The following FHIP1A variants were observed in gnomAD, a reference collection of about 807,000 sequenced individuals.
FHIP1A encodes FHF complex subunit HOOK-interacting protein 1A.
Under a neutral mutation model 88.6 loss-of-function variants are expected in FHIP1A, and 61 were observed. The observed-to-expected ratio is 0.69, with a 90% CI of 0.56 to 0.85. FHIP1A has a LOEUF of 0.85. Among genes scored for constraint, FHIP1A ranks in the 40% least tolerant of loss-of-function variants. The pLI is 0.00. For synonymous variants in FHIP1A, 478 were observed against 496.0 expected (o/e 0.96, Z 0.48); for missense variants, 1,154 against 1,273.5 (o/e 0.91, Z 1.43).
At chr4:151,425,236 G>C (rs1045440607) in intron 1 of FHIP1A, among the ~76,000 whole-genome samples, 2 of 152,052 alleles carry the variant, frequency 1.3e-5, no homozygotes, top group African/African-American at 4.8e-5. Context: ...AGGAAAAGGA[G>C]GACTATGTCA....
At chr4:151,510,372 G>T (rs1026263864) in intron 3 of FHIP1A, among the ~76,000 whole-genome samples, 2 of 152,296 alleles carry the variant, frequency 1.3e-5, no homozygotes, top group Middle Eastern at 3.4e-3. Context: ...GCCTCTCAAA[G>T]TGCTGGGATT....
chr4:151,617,212 T>A (rs1376939251), intron 7 of FHIP1A, among the ~76,000 whole-genome samples: 2 of 152,156 alleles, frequency 1.3e-5, no homozygotes, highest in East Asian at 1.9e-4. Context: ...AGATTCTGCA[T>A]GTGGGAGGAC....
At chr4:151,493,960 A>G (rs544107739) in intron 3 of FHIP1A, among the ~76,000 whole-genome samples, 1 of 152,264 alleles carries the variant, frequency 6.6e-6, no homozygotes, top group African/African-American at 2.4e-5. Flanking sequence ...CATAGTACTG[A>G]AAGTCTTAAC....
intron 3 of FHIP1A, among the ~76,000 whole-genome samples, chr4:151,550,303 C>G (rs943779723): frequency 6.6e-6 from 1 of 152,162 alleles, no homozygotes; most frequent in Non-Finnish European, 1.5e-5. Flanking sequence ...ATCACCCCTA[C>G]TATGCGATCA....
At position 151,650,241 on chromosome 4, in the gene FHIP1A, G is replaced by A. The variant is rs762910517; in HGVS notation, c.2200G>A (p.Glu734Lys). The A allele has an allele frequency of 1.0e-5, 16 of 1,551,618 alleles. No individual in the cohort carries two copies. The African/African-American group carries it at 1.8e-4, about 17-fold the overall frequency. Residue 734 changes from glutamate (E) to lysine (K), a missense_variant, in exon 11 of 14, where the codon GAG becomes AAG. Physicochemically the swap from Glu to Lys is moderately conservative, Grantham distance 56 (BLOSUM62 1). Coordinates refer to ENST00000435205, the MANE Select transcript of FHIP1A (RefSeq NM_001109977.3). Reference sequence around the variant, plus strand: ...CTCAGAGTTAGCATCCCCTGCCCCTGAGGCAGAGCACAGCTCTAACCTGAC... The same window carrying A: ...CTCAGAGTTAGCATCCCCTGCCCCTAAGGCAGAGCACAGCTCTAACCTGAC... ...SNSELASPAP[E>K]AEHSSNLTAA...
chr4:151,435,039 CA>C lies in FHIP1A; in HGVS notation c.-355-19660del, dbSNP rs145731722. Among the ~76,000 whole-genome samples the C allele has an allele frequency of 2.2e-3, 332 of 152,104 alleles. 1 individual carries two copies. The highest frequency in any genetic ancestry group is 7.7e-3 in the African/African-American group (318 of 41,530). On this transcript the variant is annotated intron_variant, in intron 1 of 13. Coordinates refer to ENST00000435205, the MANE Select transcript of FHIP1A (RefSeq NM_001109977.3). ...AATGTGATATTTTGATACATGCATA[CA>C]ATATATAATGATTAAATTGGAGTAA... is the stretch of plus-strand genomic sequence containing the variant.
At chr4:151,521,516 G>A (rs1030397524) in intron 3 of FHIP1A, among the ~76,000 whole-genome samples, 1 of 152,172 alleles carries the variant, frequency 6.6e-6, no homozygotes, top group Non-Finnish European at 1.5e-5. Context: ...TCTGATAGCT[G>A]TAGCTTGTAG....
intron 7 of FHIP1A, among the ~76,000 whole-genome samples, chr4:151,623,609 T>A (rs930098833): frequency 1.3e-5 from 2 of 150,392 alleles, no homozygotes; most frequent in Non-Finnish European, 2.9e-5. Flanking sequence ...CTTTACTGAG[T>A]CCTTTCTATG....
chr4:151,566,442 C>A, intron 4 of FHIP1A, 78 bp downstream of exon 4: 1 of 768,154 alleles, frequency 1.3e-6, no homozygotes, highest in Non-Finnish European at 2.2e-6. Context: ...GGGTTTTCTA[C>A]CTCTGTGATA....
chr4:151,519,970 C>A (rs1434659400), intron 3 of FHIP1A, among the ~76,000 whole-genome samples: 1 of 152,064 alleles, frequency 6.6e-6, no homozygotes, highest in African/African-American at 2.4e-5. Context: ...GTTAAGAGTT[C>A]TAAATTCAGA....
intron 1 of FHIP1A, among the ~76,000 whole-genome samples, chr4:151,441,457 G>A (rs1014363051): frequency 6.6e-6 from 1 of 152,038 alleles, no homozygotes; most frequent in Admixed American, 6.5e-5. Flanking sequence ...TTGATTGTGT[G>A]TGTGTATACA....
At chr4:151,494,337 T>C (rs1444723544) in intron 3 of FHIP1A, among the ~76,000 whole-genome samples, 2 of 152,196 alleles carry the variant, frequency 1.3e-5, no homozygotes, top group Non-Finnish European at 2.9e-5. Context: ...TCACCTTGAG[T>C]TGATTTTTGT....
At chr4:151,581,136 G>A (rs569269875) in intron 5 of FHIP1A, among the ~76,000 whole-genome samples, 12 of 152,308 alleles carry the variant, frequency 7.9e-5, no homozygotes, top group Admixed American at 1.3e-4. Context: ...GGGATTACAG[G>A]CATGAGCCAC....
chr4:151,633,146 C>T (rs1736219597), intron 8 of FHIP1A, among the ~76,000 whole-genome samples: 1 of 151,532 alleles, frequency 6.6e-6, no homozygotes, highest in Admixed American at 6.6e-5. Flanking sequence ...CACCTTATGC[C>T]ACAGAAATAA....
chr4:151,522,656 G>A lies in FHIP1A; in HGVS notation c.-123+40008G>A, dbSNP rs573676686. 2.6e-5 allele frequency among the ~76,000 whole-genome samples: 4 copies of A among 152,312 alleles called. No homozygotes were observed. In the South Asian group the frequency reaches 8.3e-4, roughly 32 times the overall value. On this transcript the variant is annotated intron_variant, in intron 3 of 13. Transcript: ENST00000435205. The stretch of plus-strand genomic sequence containing the variant: ...AACAAAACCCAAAACCATCAAACAA[G>A]CTTAAGACAAATTTTGTCCTTTGGC...
chr4:151,588,588 C>T (rs1442269560), intron 6 of FHIP1A, among the ~76,000 whole-genome samples: 1 of 152,138 alleles, frequency 6.6e-6, no homozygotes, highest in Middle Eastern at 3.4e-3. Flanking sequence ...TTTCCAAATA[C>T]GCAGTTTAAA....
chr4:151,573,583 C>T (rs1002442729), intron 4 of FHIP1A, among the ~76,000 whole-genome samples: 5 of 151,706 alleles, frequency 3.3e-5, no homozygotes, highest in Non-Finnish European at 5.9e-5. Context: ...TTTTTTTTCT[C>T]CTGAGCTGAA....
chr4:151,586,288 C>T (rs1734210413), intron 5 of FHIP1A, among the ~76,000 whole-genome samples: 1 of 152,060 alleles, frequency 6.6e-6, no homozygotes, highest in African/African-American at 2.4e-5. Flanking sequence ...GAATTTGTTC[C>T]TCTCCTGAAC....
At position 151,641,560 on chromosome 4, in the gene FHIP1A, A is replaced by G. The variant is rs116667046; in HGVS notation, c.1226+2804A>G. On this transcript the variant is annotated intron_variant, in intron 9 of 13. Transcript: ENST00000435205. ...TTTGCAATTTTTTTTTCTTTTAGCT[A>G]TCATTAGTGCTAGTGTATTTTATGT... 6.1e-3 allele frequency among the ~76,000 whole-genome samples: 931 copies of G among 152,258 alleles called. 11 individuals carry two copies. The highest frequency in any genetic ancestry group is 0.021 in the African/African-American group (868 of 41,542).
Sources: gnomAD v4.1 joint callset for allele counts (sites outside exome capture counted in the v4.1 genomes callset) on GRCh38, gnomAD v4.1.1 for gene constraint, MANE v1.5 for transcripts, NCBI Gene and HGNC (gene_info 2026-07-23, HGNC 2026-07-21) for gene names.